The following SLC4A5 variants were observed in gnomAD, a reference collection of about 807,000 sequenced individuals.
The protein encoded by SLC4A5 is solute carrier family 4 member 5.
Under a neutral mutation model 120.4 loss-of-function variants are expected in SLC4A5, and 96 were observed. The observed-to-expected ratio is 0.80, with a 90% CI of 0.68 to 0.94. The LOEUF is 0.94. SLC4A5 is among the 40% of genes least tolerant of loss of function. SLC4A5 has a pLI of 0.00. For missense variants in SLC4A5, 1,259 were observed against 1,459.5 expected (o/e 0.86, Z 2.24); for synonymous variants, 550 against 571.1 (o/e 0.96, Z 0.53).
intron 7 of SLC4A5, among the ~76,000 whole-genome samples, chr2:74,289,930 C>T (rs1672104629): frequency 6.6e-6 from 1 of 152,100 alleles, no homozygotes; most frequent in African/African-American, 2.4e-5. Context: ...AGTTGAAAAA[C>T]TTTCAATGTC....
chr2:74,343,197 A>C (rs1673663074), intron 1 of SLC4A5, among the ~76,000 whole-genome samples, 159 bp downstream of exon 1: 1 of 152,132 alleles, frequency 6.6e-6, no homozygotes, highest in Non-Finnish European at 1.5e-5. Context: ...CTTTGCTCTA[A>C]GTCTTGTACA....
intron 15 of SLC4A5, 35 bp from the exon 16 acceptor site, chr2:74,252,423 C>T (rs769312228): frequency 8.2e-6 from 13 of 1,594,290 alleles, no homozygotes; most frequent in Non-Finnish European, 8.6e-7. Flanking sequence ...GAGTGGGTCC[C>T]CCAGAGCACC....
chr2:74,308,726 G>A (rs1342565231), intron 6 of SLC4A5, among the ~76,000 whole-genome samples: 1 of 148,818 alleles, frequency 6.7e-6, no homozygotes, highest in Non-Finnish European at 1.5e-5. Flanking sequence ...TTTTAACAGA[G>A]TCCAGCTTAT....
chr2:74,334,706 A>C (rs560720213), intron 3 of SLC4A5, among the ~76,000 whole-genome samples: 1 of 152,128 alleles, frequency 6.6e-6, no homozygotes, highest in South Asian at 2.1e-4. Context: ...ATCCTGACTC[A>C]ACTAACTGTG....
chr2:74,317,294 T>C (rs1672992570), intron 5 of SLC4A5, among the ~76,000 whole-genome samples: 2 of 152,214 alleles, frequency 1.3e-5, no homozygotes, highest in Non-Finnish European at 2.9e-5. Flanking sequence ...TATTTTACTT[T>C]TGTTGTGTTT....
chr2:74,301,300 T>C (rs137956545), intron 7 of SLC4A5, among the ~76,000 whole-genome samples: 25 of 152,358 alleles, frequency 1.6e-4, no homozygotes, highest in African/African-American at 5.5e-4. Flanking sequence ...TACTGTCTTA[T>C]TGGATCTTTG....
exon 5 of SLC4A5, chr2:74,328,152 A>G: frequency 6.1e-6 from 6 of 985,896 alleles, no homozygotes; most frequent in Non-Finnish European, 7.2e-6. Context: ...ACCAGGATCC[A>G]AATCCCAGGG....
At chr2:74,316,252 G>T (rs1479070755) in intron 5 of SLC4A5, among the ~76,000 whole-genome samples, 2 of 137,206 alleles carry the variant, frequency 1.5e-5, no homozygotes, top group Non-Finnish European at 3.1e-5. Context: ...TAAAATGATT[G>T]TAGGAAAGAC....
intron 26 of SLC4A5, 139 bp downstream of exon 26, chr2:74,227,671 T>C: frequency 8.8e-7 from 1 of 1,134,608 alleles, no homozygotes; most frequent in Admixed American, 2.3e-5. Flanking sequence ...AGTGGTAGTA[T>C]CATTATTACT....
chr2:74,233,342 G>A (rs954106469), intron 23 of SLC4A5, 60 bp downstream of exon 23: 7 of 1,579,158 alleles, frequency 4.4e-6, no homozygotes, highest in South Asian at 3.3e-5. Flanking sequence ...TCCTTCCTTC[G>A]CTCTTTCTGA....
chr2:74,274,660 C>T (rs747815224), intron 8 of SLC4A5, among the ~76,000 whole-genome samples: 1 of 152,128 alleles, frequency 6.6e-6, no homozygotes, highest in Non-Finnish European at 1.5e-5. Flanking sequence ...TTTTTAGTGT[C>T]CCAAAGATGA....
intron 16 of SLC4A5, among the ~76,000 whole-genome samples, chr2:74,251,736 AG>A (rs1306304095): frequency 6.6e-6 from 1 of 152,228 alleles, no homozygotes; most frequent in Non-Finnish European, 1.5e-5. Context: ...GCTGCCAGCC[AG>A]GAACACCAAG....
intron 1 of SLC4A5, among the ~76,000 whole-genome samples, chr2:74,342,945 C>T (rs945713673): frequency 9.9e-5 from 15 of 152,144 alleles, no homozygotes; most frequent in African/African-American, 3.6e-4. Context: ...CTGAGACTCC[C>T]ATGGCTCAAG....
intron 3 of SLC4A5, among the ~76,000 whole-genome samples, 167 bp from the exon 4 acceptor site, chr2:74,334,344 G>A (rs904318391): frequency 6.6e-6 from 1 of 152,110 alleles, no homozygotes; most frequent in African/African-American, 2.4e-5. Flanking sequence ...CAGCAGCCAC[G>A]ACGCAAGTCT....
chr2:74,254,404 T>A (rs1235858402), intron 14 of SLC4A5, among the ~76,000 whole-genome samples: 1 of 152,216 alleles, frequency 6.6e-6, no homozygotes, highest in African/African-American at 2.4e-5. Flanking sequence ...AGCACATGGT[T>A]AGTTTTACAA....
chr2:74,250,836 C>T, intron 16 of SLC4A5: 1 of 279,562 alleles, frequency 3.6e-6, no homozygotes, highest in South Asian at 5.5e-5. Flanking sequence ...TGGTCCTCCT[C>T]ACATCCCTGA....
intron 29 of SLC4A5, 26 bp downstream of exon 29, chr2:74,222,842 G>T (rs1694700284): frequency 1.3e-6 from 2 of 1,564,374 alleles, no homozygotes; most frequent in Non-Finnish European, 1.8e-6. Flanking sequence ...TAGTAAGAAG[G>T]GAGAGACATC....
At chr2:74,239,726 C>T (rs995379548) in intron 20 of SLC4A5, among the ~76,000 whole-genome samples, 191 bp from the exon 21 acceptor site, 3 of 152,250 alleles carry the variant, frequency 2.0e-5, no homozygotes, top group Admixed American at 6.5e-5. Context: ...TAGGAGCTCA[C>T]ATGTGTTTCT....
intron 16 of SLC4A5, among the ~76,000 whole-genome samples, chr2:74,251,713 C>T (rs940888479): frequency 6.6e-5 from 10 of 152,100 alleles, no homozygotes; most frequent in East Asian, 1.9e-4. Context: ...GAGGCAGAGC[C>T]GGGGGTGATG....
Sources: gnomAD v4.1 joint callset for allele counts (sites outside exome capture counted in the v4.1 genomes callset) on GRCh38, gnomAD v4.1.1 for gene constraint, MANE v1.5 for transcripts, NCBI Gene and HGNC (gene_info 2026-07-23, HGNC 2026-07-21) for gene names.